The following SIAH3 variants were observed in gnomAD, a reference collection of about 807,000 sequenced individuals.
SIAH3 encodes seven in absentia homolog 3.
A neutral mutation model predicts 12.6 loss-of-function variants in SIAH3; 9 were observed. The ratio of observed to expected loss-of-function variants is 0.72; its 90% CI spans 0.43 to 1.25. The LOEUF (loss-of-function observed/expected upper bound fraction) is 1.25. SIAH3 is among the 50% of genes most tolerant of loss of function. The probability of loss-of-function intolerance (pLI) is 0.00; values close to 1 mark genes in which losing one functional copy is unlikely to be tolerated. For missense variants in SIAH3, 390 were observed against 365.4 expected, an observed-to-expected ratio of 1.07 and a Z score of -0.55; for synonymous variants, 154 against 151.1, an observed-to-expected ratio of 1.02 and a Z score of -0.14.
intron 1 of SIAH3, among the ~76,000 whole-genome samples, chr13:45,849,154 C>T (rs188060098): frequency 7.2e-4 from 110 of 152,306 alleles, no homozygotes; most frequent in African/African-American, 2.4e-3. Flanking sequence ...CAGGTCTCTC[C>T]CTACCTGGCG....
chr13:45,814,282 C>T (rs375704278), intron 1 of SIAH3, among the ~76,000 whole-genome samples: 11 of 149,596 alleles, frequency 7.4e-5, no homozygotes, highest in South Asian at 4.2e-4. Flanking sequence ...AACACTCATG[C>T]ATCTATTCAA....
chr13:45,851,534 C>T lies in SIAH3; in HGVS notation c.96G>A (p.Gly32=). The change falls in exon 1 of 2, where the codon GGG becomes GGA. Residue 32 remains glycine (G), a synonymous_variant. Coordinates refer to ENST00000400405, the MANE Select transcript of SIAH3 (RefSeq NM_198849.3). ...YKAKRVFSAA[G]QLVCVVNPTH... ...TGGGGTTGACGACACAGACAAGTTG[C>T]CCGGCAGCGGAGAAAACCCGTTTAG... 6.2e-7 allele frequency: 1 copy of T among 1,614,110 alleles called. No homozygotes were observed. Among genetic ancestry groups the T allele is most frequent in the Non-Finnish European group, 8.5e-7 (1 of 1,180,032 alleles).
At chr13:45,833,545 C>A (rs1411324407) in intron 1 of SIAH3, among the ~76,000 whole-genome samples, 2 of 152,118 alleles carry the variant, frequency 1.3e-5, no homozygotes, top group Non-Finnish European at 2.9e-5. Flanking sequence ...GCTAAGCACA[C>A]AAATAAAAGG....
chr13:45,795,144 C>G (rs570352733), intron 1 of SIAH3, among the ~76,000 whole-genome samples: 27 of 152,258 alleles, frequency 1.8e-4, no homozygotes, highest in African/African-American at 6.3e-4. Context: ...ATGACTCAAA[C>G]CAATAAACCT....
chr13:45,824,022 C>A (rs1209677372), intron 1 of SIAH3, among the ~76,000 whole-genome samples: 1 of 152,198 alleles, frequency 6.6e-6, no homozygotes, highest in Admixed American at 6.5e-5. Context: ...GTAAACCCAT[C>A]ACCCAAACAG....
chr13:45,805,703 C>G (rs1950596397), intron 1 of SIAH3, among the ~76,000 whole-genome samples: 1 of 152,036 alleles, frequency 6.6e-6, no homozygotes, highest in South Asian at 2.1e-4. Context: ...AAAGCAATTG[C>G]AACAAAGACA....
intron 1 of SIAH3, among the ~76,000 whole-genome samples, chr13:45,806,935 G>T (rs747331178): frequency 2.6e-5 from 4 of 151,920 alleles, no homozygotes; most frequent in Non-Finnish European, 5.9e-5. Context: ...CAATTTGATG[G>T]GAAAAAGAAA....
At position 45,843,032 on chromosome 13, in the gene SIAH3, C is replaced by CTGTGTGTGTGTGTGTGTGTGTGTGTGTG. The variant is rs746384493; in HGVS notation, c.135+8462_135+8463insCACACACACACACACACACACACACACA. ...ATTGCCATTATTTCTCTCTCTCTCT[C>CTGTGTGTGTGTGTGTGTGTGTGTGTGTG]TCTGTGTGTGTGTGTGTGTGTGTGT... On this transcript the variant is annotated intron_variant, in intron 1 of 1. Coordinates refer to ENST00000400405, the MANE Select transcript of SIAH3 (RefSeq NM_198849.3). Among the ~76,000 whole-genome samples, 567 of 126,908 alleles carry CTGTGTGTGTGTGTGTGTGTGTGTGTGTG rather than the reference C, an allele frequency of 4.5e-3. 9 individuals carry two copies. The highest frequency in any genetic ancestry group is 0.015 in the South Asian group (56 of 3,620). The allele number at this position is 126,908 out of a possible 152,430, so 83.3% of individuals were successfully genotyped here. A position where few individuals can be genotyped will look rare whatever the true frequency, so the allele number is the denominator to read the frequency against.
At chr13:45,795,475 T>C (rs1007335279) in intron 1 of SIAH3, among the ~76,000 whole-genome samples, 8 of 152,228 alleles carry the variant, frequency 5.3e-5, no homozygotes, top group Non-Finnish European at 4.4e-5. Flanking sequence ...TGCCTCCGTA[T>C]AGACTGGGGC....
Position 45,841,644 on chromosome 13 carries a change from C to G in SIAH3, c.135+9851G>C, listed in dbSNP as rs562439976. Among the ~76,000 whole-genome samples the G allele has an allele frequency of 3.5e-4, 54 of 152,324 alleles. No homozygotes were observed. The South Asian group carries it at 0.011, about 31-fold the overall frequency. On this transcript the variant is annotated intron_variant, in intron 1 of 1. Coordinates refer to ENST00000400405, the MANE Select transcript of SIAH3 (RefSeq NM_198849.3). ...ACAATTCTAAATAATCCACAAAGAACCTGTTCTTCTGGTAAAAACATTGTG... is the reference window on the plus strand; with the variant it reads ...ACAATTCTAAATAATCCACAAAGAAGCTGTTCTTCTGGTAAAAACATTGTG...
chr13:45,851,465 C>G (rs780882141), intron 1 of SIAH3, 30 bp downstream of exon 1: 1 of 1,612,598 alleles, frequency 6.2e-7, no homozygotes, highest in South Asian at 1.1e-5. Flanking sequence ...AACCTGAGCC[C>G]GGTGAAGGTA....
intron 1 of SIAH3, among the ~76,000 whole-genome samples, chr13:45,845,669 T>G (rs1294055619): frequency 6.6e-6 from 1 of 152,174 alleles, no homozygotes; most frequent in Non-Finnish European, 1.5e-5. Flanking sequence ...CTCTGTTGTG[T>G]TTTGTATGTT....
chr13:45,826,557 C>T (rs575334364), intron 1 of SIAH3, among the ~76,000 whole-genome samples: 22 of 152,144 alleles, frequency 1.4e-4, no homozygotes, highest in African/African-American at 4.6e-4. Context: ...CTTGACTCTC[C>T]GGGCTTTATT....
Position 45,783,069 on chromosome 13 carries a change from G to A in SIAH3, c.*314C>T, listed in dbSNP as rs576052956. ...GTGTTTTGATCCTTTCAAAACTAGC[G>A]GAGAAAGGACTTGGAGGTGACAGGA... On this transcript the variant is annotated 3_prime_UTR_variant, in exon 2 of 2. Coordinates refer to ENST00000400405, the MANE Select transcript of SIAH3 (RefSeq NM_198849.3). The A allele has an allele frequency of 4.1e-4, 71 of 172,368 alleles. No individual in the cohort carries two copies. Among genetic ancestry groups the A allele is most frequent in the Non-Finnish European group, 7.5e-4 (61 of 81,726 alleles). The allele number at this position is 172,368 out of a possible 1,614,324, so 10.7% of individuals were successfully genotyped here. A position where few individuals can be genotyped will look rare whatever the true frequency, so the allele number is the denominator to read the frequency against.
At chr13:45,833,642 C>T (rs1232048495) in intron 1 of SIAH3, among the ~76,000 whole-genome samples, 1 of 152,226 alleles carries the variant, frequency 6.6e-6, no homozygotes, top group Non-Finnish European at 1.5e-5. Flanking sequence ...GATATTTTCT[C>T]ATTCGATCCT....
At chr13:45,812,882 T>A (rs1336110912) in intron 1 of SIAH3, among the ~76,000 whole-genome samples, 1 of 152,224 alleles carries the variant, frequency 6.6e-6, no homozygotes, top group Non-Finnish European at 1.5e-5. Flanking sequence ...TGTCTTCACA[T>A]GCTCAAATGC....
chr13:45,832,148 C>A (rs56383712), intron 1 of SIAH3, among the ~76,000 whole-genome samples: 32,136 of 152,146 alleles, frequency 0.21, 3,995 homozygotes, highest in East Asian at 0.38. Flanking sequence ...GGGGACTTGG[C>A]CTTTTTTGAT....
At chr13:45,847,648 T>TGTGTGTGTGTGC (rs764131044) in intron 1 of SIAH3, among the ~76,000 whole-genome samples, 22 of 150,514 alleles carry the variant, frequency 1.5e-4, no homozygotes, top group Admixed American at 1.3e-3. Flanking sequence ...TGTGTGTGTG[T>TGTGTGTGTGTGC]GCACGTGTGT....
At chr13:45,787,276 G>A (rs1376428388) in intron 1 of SIAH3, among the ~76,000 whole-genome samples, 1 of 152,170 alleles carries the variant, frequency 6.6e-6, no homozygotes, top group African/African-American at 2.4e-5. Flanking sequence ...GCTAAGTTTT[G>A]ATGGGGCTTA....
Sources: allele counts gnomAD v4.1 joint callset (sites outside exome capture counted in the v4.1 genomes callset), GRCh38; gene constraint gnomAD v4.1.1; transcripts MANE v1.5; gene names NCBI Gene and HGNC (gene_info 2026-07-23, HGNC 2026-07-21).